The following TASOR variants were observed in gnomAD, a reference collection of about 807,000 sequenced individuals.
The protein encoded by TASOR is transcription activation suppressor.
TASOR carries 53 observed loss-of-function variants against 178.6 expected under a neutral mutation model. That is an observed-to-expected ratio of 0.30 (90% CI 0.24 to 0.37). The LOEUF is 0.37. TASOR is among the 10% of genes least tolerant of loss of function. The probability of loss-of-function intolerance (pLI) is 1.00; values close to 1 mark genes in which losing one functional copy is unlikely to be tolerated. For synonymous variants in TASOR, 713 were observed against 696.2 expected (o/e 1.02, Z -0.38); for missense variants, 1,815 against 1,971.4 (o/e 0.92, Z 1.50).
chr3:56,650,365 T>G (rs1408794425), intron 11 of TASOR, among the ~76,000 whole-genome samples: 1 of 152,216 alleles, frequency 6.6e-6, no homozygotes, highest in Non-Finnish European at 1.5e-5. Context: ...GTAGCTTAGT[T>G]GACCACTTTC....
chr3:56,681,350 T>C (rs958157760), intron 1 of TASOR, among the ~76,000 whole-genome samples: 3 of 152,204 alleles, frequency 2.0e-5, no homozygotes, highest in Non-Finnish European at 4.4e-5. Flanking sequence ...CCTTTAAAAG[T>C]ATCTTTCTGA....
At chr3:56,632,272 A>G (rs746440408) in intron 18 of TASOR, among the ~76,000 whole-genome samples, 12 of 152,054 alleles carry the variant, frequency 7.9e-5, no homozygotes, top group Non-Finnish European at 1.8e-4. Flanking sequence ...GGAGTTCCAG[A>G]CCAGCCTGAT....
rs1229598387 is a variant in TASOR, at chr3:56,622,927, TAAAAG to T, written c.*105_*109del. Reference sequence around the variant, plus strand: ...CTGTTACAGGCCATCATGATTTAAATAAAAGAAAAAACATTTGAGAAAGAACAAGA... The same window carrying T: ...CTGTTACAGGCCATCATGATTTAAATAAAAAACATTTGAGAAAGAACAAGA... On this transcript the variant is annotated 3_prime_UTR_variant, in exon 24 of 24. Transcript: ENST00000683822. 1.3e-5 allele frequency: 9 copies of T among 677,812 alleles called. No individual in the cohort carries two copies. Among genetic ancestry groups the T allele is most frequent in the East Asian group, 6.0e-5 (2 of 33,468 alleles). 42.0% of individuals were successfully genotyped at this position (677,812 alleles called of 1,614,324 possible). A position where few individuals can be genotyped will look rare whatever the true frequency, so the allele number is the denominator to read the frequency against.
chr3:56,625,935 TTCTA>T (rs1183964766), intron 21 of TASOR, among the ~76,000 whole-genome samples: 1 of 152,196 alleles, frequency 6.6e-6, no homozygotes, highest in Non-Finnish European at 1.5e-5. Flanking sequence ...TCTAAGCTGT[TTCTA>T]TATTGCAAGG....
At chr3:56,668,817 C>G (rs1432942498) in intron 5 of TASOR, among the ~76,000 whole-genome samples, 1 of 151,978 alleles carries the variant, frequency 6.6e-6, no homozygotes, top group Non-Finnish European at 1.5e-5. Flanking sequence ...ACTAAAAATA[C>G]AAAAATTAGC....
intron 1 of TASOR, 31 bp downstream of exon 1, chr3:56,682,645 A>C: frequency 1.4e-6 from 2 of 1,431,824 alleles, no homozygotes; most frequent in Non-Finnish European, 1.8e-6. Flanking sequence ...GGGGAGAGAG[A>C]GAGGGGGTTG....
chr3:56,651,762 G>A (rs1203071150), intron 11 of TASOR, among the ~76,000 whole-genome samples: 1 of 149,552 alleles, frequency 6.7e-6, no homozygotes, highest in Non-Finnish European at 1.5e-5. Flanking sequence ...GAAAAAAAAA[G>A]ATTCAAACAC....
rs771642376 is a variant in TASOR at position 56,682,776 on chromosome 3, G to A, written c.231C>T (p.Ser77=). ...QSLSHEQPQD[S]SEAGAAALPR... is the part of the protein sequence containing the mutation. ...GCAGGGCGGCCGCGCCCGCCTCAGA[G>A]GAGTCCTGAGGCTGCTCGTGGCTGA... Residue 77 remains serine, a synonymous_variant, in exon 1 of 24, where the codon TCC becomes TCT. Coordinates refer to ENST00000683822, the MANE Select transcript of TASOR (RefSeq NM_001365635.2). The A allele has an allele frequency of 6.5e-6, 10 of 1,549,698 alleles. No homozygotes were observed. Among genetic ancestry groups the A allele is most frequent in the Admixed American group, 5.9e-5 (3 of 50,780 alleles).
At chr3:56,639,961 A>C (rs1361880953) in intron 16 of TASOR, 25 bp downstream of exon 16, 5 of 1,584,090 alleles carry the variant, frequency 3.2e-6, no homozygotes, top group Non-Finnish European at 4.3e-6. Context: ...TGAAGCAAAC[A>C]CAAGTCCAAG....
chr3:56,680,340 T>C (rs1253091381), intron 1 of TASOR, among the ~76,000 whole-genome samples: 1 of 152,200 alleles, frequency 6.6e-6, no homozygotes, highest in Non-Finnish European at 1.5e-5. Context: ...TTAGGCACTA[T>C]ACAAGTGTTT....
intron 23 of TASOR, chr3:56,623,955 A>ATT: frequency 1.2e-6 from 1 of 806,630 alleles, no homozygotes; most frequent in Non-Finnish European, 1.9e-6. Flanking sequence ...ATGAATGATC[A>ATT]TTTCTGCTTT....
In TASOR at chr3:56,644,588, G is replaced by A. The variant is rs1289730460; in HGVS notation, c.2215+1934C>T. The stretch of plus-strand genomic sequence containing the variant: ...AACAGTGGGAAACATGGCTGGACAT[G>A]GCTAGTCTATAACAAAGCCTTAAAA... On this transcript the variant is annotated intron_variant, in intron 14 of 23. Coordinates refer to ENST00000683822, the MANE Select transcript of TASOR (RefSeq NM_001365635.2). Among the ~76,000 whole-genome samples the A allele has an allele frequency of 3.3e-5, 5 of 152,212 alleles. No individual in the cohort carries two copies. The East Asian group carries it at 9.6e-4, about 29-fold the overall frequency.
intron 11 of TASOR, among the ~76,000 whole-genome samples, chr3:56,655,846 T>C (rs1447027255): frequency 6.6e-6 from 1 of 152,168 alleles, no homozygotes; most frequent in Non-Finnish European, 1.5e-5. Flanking sequence ...GGTTATGTAA[T>C]GTGGTCTCTC....
At position 56,669,781 on chromosome 3, in the gene TASOR, A is replaced by G. The variant is rs1426065213; in HGVS notation, c.654T>C (p.Leu218=). 1 of 1,545,742 alleles carries G rather than the reference A, an allele frequency of 6.5e-7. No individual in the cohort carries two copies. The highest frequency in any genetic ancestry group is 8.7e-7 in the Non-Finnish European group (1 of 1,144,446). ...CTTGTAATAAATCAGCATACCTAGA[A>G]AGATAGACACCTAGAAAAGACGGAA... The part of the protein sequence containing the change: ...ILGSPSMGVY[L]SRYADLLQAN... Residue 218 remains leucine, a synonymous_variant, in exon 5 of 24, where the codon CTT becomes CTC. Coordinates refer to ENST00000683822, the MANE Select transcript of TASOR (RefSeq NM_001365635.2).
At position 56,656,522 on chromosome 3, in the gene TASOR, C is replaced by T. The variant is rs548529434; in HGVS notation, c.1368+4209G>A. Among the ~76,000 whole-genome samples the T allele has an allele frequency of 1.6e-3, 247 of 151,798 alleles. 1 individual carries two copies. The highest frequency in any genetic ancestry group is 5.5e-3 in the African/African-American group (228 of 41,408). The stretch of plus-strand genomic sequence containing the variant: ...AGGAGAATTCCTTGAACCTGGGAGG[C>T]GGAGGTTGCAGTGAGCTGAGATCAC... On this transcript the variant is annotated intron_variant, in intron 11 of 23. Coordinates refer to ENST00000683822, the MANE Select transcript of TASOR (RefSeq NM_001365635.2).
chr3:56,670,140 T>C lies in TASOR; in HGVS notation c.576A>G (p.Gln192=), dbSNP rs984241576. The change falls in exon 4 of 24, where the codon CAA becomes CAG. Residue 192 remains glutamine (Q), a synonymous_variant. Coordinates refer to ENST00000683822, the MANE Select transcript of TASOR (RefSeq NM_001365635.2). ...AFLMVDRYQV[Q]TICEKGLHVG... is the part of the protein sequence containing the mutation. ...CATGTAATCCTTTTTCACATATGGTTTGAACCTAAATTTAAAAAAAAATAC... is the reference window on the plus strand; with the variant it reads ...CATGTAATCCTTTTTCACATATGGTCTGAACCTAAATTTAAAAAAAAATAC... 5 of 1,522,518 alleles carry C rather than the reference T, an allele frequency of 3.3e-6. No homozygotes were observed. In the Admixed American group the frequency reaches 6.4e-5, roughly 20 times the overall value. The allele number at this position is 1,522,518 out of a possible 1,614,324, so 94.3% of individuals were successfully genotyped here.
Position 56,622,942 on chromosome 3 carries a change from T to C in TASOR, c.*95A>G, listed in dbSNP as rs2076719065. 2 of 793,322 alleles carry C rather than the reference T, an allele frequency of 2.5e-6. No individual in the cohort carries two copies. The highest frequency in any genetic ancestry group is 5.5e-4 in the Middle Eastern group (2 of 3,610). 49.1% of individuals were successfully genotyped at this position (793,322 alleles called of 1,614,324 possible). On this transcript the variant is annotated 3_prime_UTR_variant, in exon 24 of 24. Transcript: ENST00000683822. ...ATGATTTAAATAAAAGAAAAAACAT[T>C]TGAGAAAGAACAAGAACCTTTTGTT...
At position 56,633,567 on chromosome 3, in the gene TASOR, T is replaced by G. The variant is rs904204532; in HGVS notation, c.3224A>C (p.Gln1075Pro). 1.2e-6 allele frequency: 2 copies of G among 1,614,182 alleles called. No individual in the cohort carries two copies. Among genetic ancestry groups the G allele is most frequent in the Admixed American group, 3.3e-5 (2 of 60,034 alleles). The change falls in exon 18 of 24, where the codon CAG (glutamine) becomes CCG (proline). Residue 1075 changes from glutamine (Q) to proline (P), a missense_variant. By Grantham distance (76) the Gln-to-Pro change is moderately conservative. Transcript: ENST00000683822. Reference sequence around the variant, plus strand: ...CTCATGCAAACCATCTACAAACTCCTGCACACCAGCTTTGGAAGTCTTAGA... The same window carrying G: ...CTCATGCAAACCATCTACAAACTCCGGCACACCAGCTTTGGAAGTCTTAGA... ...IYSKTSKAGV[Q>P]EFVDGLHEKL...
At chr3:56,664,947 G>A (rs1439053724) in intron 7 of TASOR, among the ~76,000 whole-genome samples, 1 of 152,196 alleles carries the variant, frequency 6.6e-6, no homozygotes, top group East Asian at 1.9e-4. Flanking sequence ...TACCAAGGCA[G>A]GAGAACTGCT....
Sources: gnomAD v4.1 joint callset for allele counts (sites outside exome capture counted in the v4.1 genomes callset) on GRCh38, gnomAD v4.1.1 for gene constraint, MANE v1.5 for transcripts, NCBI Gene and HGNC (gene_info 2026-07-23, HGNC 2026-07-21) for gene names.